Variants in WASHC1 observed in about 807,000 individuals in gnomAD.
WASHC1 encodes CXYorf1-like protein on chromosome 9.
WASHC1 carries 11 observed loss-of-function variants against 26.1 expected under a neutral mutation model. That is an observed-to-expected ratio of 0.42 (90% CI 0.27 to 0.70). The LOEUF is 0.70. Among genes scored for constraint, WASHC1 ranks in the 30% least tolerant of loss-of-function variants. The probability of loss-of-function intolerance (pLI) is 0.24; values close to 1 mark genes in which losing one functional copy is unlikely to be tolerated. For missense variants in WASHC1, 96 were observed against 304.9 expected, an observed-to-expected ratio of 0.31 and a Z score of 5.10; for synonymous variants, 37 against 126.6, an observed-to-expected ratio of 0.29 and a Z score of 4.75.
intron 1 of WASHC1, chr9:28,681 A>C (rs1345815177): frequency 8.9e-6 from 1 of 112,504 alleles, no homozygotes; most frequent in Non-Finnish European, 1.7e-5. Flanking sequence ...CAAATACCTA[A>C]GTATTCTTTA....
chr9:23,821 A>C (rs113970498), intron 2 of WASHC1, among the ~76,000 whole-genome samples: 1 of 114,068 alleles, frequency 8.8e-6, no homozygotes, highest in Non-Finnish European at 1.7e-5. Context: ...TTACCAAAAA[A>C]ACAGCAAACA....
chr9:20,681 C>A lies in WASHC1; in HGVS notation c.150-2189G>T, dbSNP rs1160277183. ...TACAAGGAAGAAATGTGAAGCCCAA[C>A]ATTTAGGTTTTAAAAATCAAGCGTA... On this transcript the variant is annotated intron_variant, in intron 2 of 10. Transcript: ENST00000442898. Among the ~76,000 whole-genome samples, 5 of 93,650 alleles carry A rather than the reference C, an allele frequency of 5.3e-5. 2 individuals carry two copies. Among genetic ancestry groups the A allele is most frequent in the African/African-American group, 3.9e-4 (5 of 12,800 alleles). The allele number at this position is 93,650 out of a possible 152,430, so 61.4% of individuals were successfully genotyped here.
chr9:14,716 G>C, exon 11 of WASHC1: 1 of 1,411,310 alleles, frequency 7.1e-7, no homozygotes, highest in South Asian at 1.2e-5. Flanking sequence ...CCCCTCCCAG[G>C]GAAGCAGGTC....
rs1259249736 is a variant in WASHC1 at position 15,831 on chromosome 9, C to G, written c.1195+78G>C. 1.1e-5 allele frequency: 15 copies of G among 1,341,772 alleles called. 1 individual carries two copies. In the African/African-American group the frequency reaches 1.4e-4, roughly 13 times the overall value. The allele number at this position is 1,341,772 out of a possible 1,614,324, so 83.1% of individuals were successfully genotyped here. A position where few individuals can be genotyped will look rare whatever the true frequency, so the allele number is the denominator to read the frequency against. ...AGGAGCAGGGGGTGGGCAGAAAGCA[C>G]CCGGTGGACTCAGGGCTGGAGGGGA... is the stretch of plus-strand genomic sequence containing the variant. On this transcript the variant is annotated intron_variant, in intron 9 of 10. Coordinates refer to ENST00000442898, the Ensembl canonical transcript of WASHC1.
intron 1 of WASHC1, among the ~76,000 whole-genome samples, chr9:26,963 A>T (rs1587313513): frequency 1.7e-5 from 1 of 58,950 alleles, no homozygotes; most frequent in East Asian, 6.4e-4. Flanking sequence ...AGGCAGGCAG[A>T]TCACCTGAGG....
At chr9:30,102 A>AT (rs1817641535), upstream of WASHC1, 1 of 304,166 alleles carries the variant, frequency 3.3e-6, no homozygotes, top group Non-Finnish European at 6.6e-6. Context: ...TGCCTCCGGC[A>AT]TTTTTGGCCC....
intron 1 of WASHC1, chr9:28,770 G>A: frequency 1.5e-5 from 2 of 135,828 alleles, no homozygotes; most frequent in East Asian, 2.5e-4. Flanking sequence ...TTGTACATGT[G>A]TATCGCTCAA....
At position 23,672 on chromosome 9, in the gene WASHC1, T is replaced by C. The variant is rs1261446871; in HGVS notation, c.149+1179A>G. 9.7e-4 allele frequency among the ~76,000 whole-genome samples: 123 copies of C among 126,370 alleles called. 6 individuals carry two copies. Among genetic ancestry groups the C allele is most frequent in the South Asian group, 2.7e-3 (11 of 4,078 alleles). The allele number at this position is 126,370 out of a possible 152,430, so 82.9% of individuals were successfully genotyped here. A position where few individuals can be genotyped will look rare whatever the true frequency, so the allele number is the denominator to read the frequency against. On this transcript the variant is annotated intron_variant, in intron 2 of 10. Transcript: ENST00000442898. ...GATGGCTTGGACCACGAGAGGCACC[T>C]GAGTCAGGCAGTCACATACTTCCCA...
At position 17,079 on chromosome 9, in the gene WASHC1, CA is replaced by C. The variant is rs1228700160; in HGVS notation, c.768del (p.Ile256MetfsTer33). 3.4e-6 allele frequency: 5 copies of C among 1,461,194 alleles called. No individual in the cohort carries two copies. The highest frequency in any genetic ancestry group is 4.5e-6 in the Non-Finnish European group (5 of 1,106,828). 90.5% of individuals were successfully genotyped at this position (1,461,194 alleles called of 1,614,324 possible). ...TCGGCACTGTACATGAGGTCGTTGGCAATGCCGGGCAGGTCAGGCAGGTAGG... is the reference window on the plus strand; with the variant it reads ...TCGGCACTGTACATGAGGTCGTTGGCATGCCGGGCAGGTCAGGCAGGTAGG... On this transcript the variant is annotated frameshift_variant, in exon 7 of 11. Transcript: ENST00000442898. LOFTEE classifies it high-confidence loss of function.
rs768020067 is a variant in WASHC1 at position 16,836 on chromosome 9, TG to T, written c.923del (p.Pro308HisfsTer24). 2.1e-6 allele frequency: 1 copy of T among 484,294 alleles called. No individual in the cohort carries two copies. Among genetic ancestry groups the T allele is most frequent in the South Asian group, 1.8e-5 (1 of 54,508 alleles). 30.0% of individuals were successfully genotyped at this position (484,294 alleles called of 1,614,324 possible). A position where few individuals can be genotyped will look rare whatever the true frequency, so the allele number is the denominator to read the frequency against. ...GCACCTCAGGAGCTGGGGGTGGTGG[TG>T]GGGGCGGTGGGGGTGGTGTTAGTAC... On this transcript the variant is annotated frameshift_variant, in exon 8 of 11. Transcript: ENST00000442898. LOFTEE classifies it high-confidence loss of function.
chr9:15,096 C>T, exon 10 of WASHC1: 1 of 858,578 alleles, frequency 1.2e-6, no homozygotes, highest in Non-Finnish European at 1.8e-6. Context: ...CGCCTCATGA[C>T]CAGCTTGTTG....
At chr9:17,966 C>T in intron 4 of WASHC1, 62 bp downstream of exon 4, 1 of 98,980 alleles carries the variant, frequency 1.0e-5, no homozygotes, top group Non-Finnish European at 1.7e-5. Context: ...ATGGTGGCCC[C>T]GGCTCCTCCC....
In WASHC1 at chr9:15,911, T is replaced by C. The variant is rs758848764; in HGVS notation, c.1193A>G (p.Gln398Arg). The stretch of plus-strand genomic sequence containing the variant: ...CGCAGGCTCCAGGGCCCGCTCACCT[T>C]GCTCCTGCTCCTTCTGCTGCTGCTT... The change falls in exon 9 of 11, where the codon CAA becomes CGA. Residue 398 changes from glutamine (Q) to arginine (R), a missense_variant and splice_region_variant. Gln to Arg is a conservative substitution (Grantham distance 43). Transcript: ENST00000442898. 13 of 1,403,558 alleles carry C rather than the reference T, an allele frequency of 9.3e-6. 1 individual carries two copies. The African/African-American group carries it at 1.6e-4, about 18-fold the overall frequency. 86.9% of individuals were successfully genotyped at this position (1,403,558 alleles called of 1,614,324 possible). A position where few individuals can be genotyped will look rare whatever the true frequency, so the allele number is the denominator to read the frequency against.
intron 8 of WASHC1, 95 bp from the exon 9 acceptor site, chr9:16,156 G>A: frequency 1.7e-6 from 1 of 596,782 alleles, no homozygotes; most frequent in Non-Finnish European, 2.9e-6. Flanking sequence ...TGGGAGGGAA[G>A]TCACCTCCCC....
chr9:22,512 G>T (rs1817078462), intron 2 of WASHC1, among the ~76,000 whole-genome samples: 1 of 117,872 alleles, frequency 8.5e-6, no homozygotes, highest in Non-Finnish European at 1.6e-5. Flanking sequence ...GGTCTGGGGA[G>T]TTCTGACAGG....
chr9:14,696 G>A lies in WASHC1; in HGVS notation c.*111C>T, dbSNP rs1815993806. ...TGAAGCTGGTCTCCACACACTGCTGGTTCCGTCACCCCCTCCCAGGGAAGC... is the reference window on the plus strand; with the variant it reads ...TGAAGCTGGTCTCCACACACTGCTGATTCCGTCACCCCCTCCCAGGGAAGC... On this transcript the variant is annotated 3_prime_UTR_variant, in exon 11 of 11. Coordinates refer to ENST00000442898, the Ensembl canonical transcript of WASHC1. The A allele has an allele frequency of 4.0e-6, 5 of 1,250,590 alleles. No homozygotes were observed. In the East Asian group the frequency reaches 7.1e-5, roughly 18 times the overall value. 77.5% of individuals were successfully genotyped at this position (1,250,590 alleles called of 1,614,324 possible).
In WASHC1 at chr9:16,805, T is replaced by C. The variant is rs1462566738; in HGVS notation, c.955A>G (p.Ser319Gly). 3 of 416,858 alleles carry C rather than the reference T, an allele frequency of 7.2e-6. 1 individual carries two copies. Among genetic ancestry groups the C allele is most frequent in the Non-Finnish European group, 1.2e-5 (3 of 247,996 alleles). 25.8% of individuals were successfully genotyped at this position (416,858 alleles called of 1,614,324 possible). The stretch of plus-strand genomic sequence containing the variant: ...GTTGAGGGTGGGAGTGGGGGTGCAC[T>C]GGCCAGCACCTCAGGAGCTGGGGGT... The change falls in exon 8 of 11, where the codon AGT (serine) becomes GGT (glycine). Residue 319 changes from serine to glycine, a missense_variant. This residue lies in a region of WASHC1 where 7 missense variants were observed against 95.3 expected (regional missense o/e 0.07). Transcript: ENST00000442898.
exon 10 of WASHC1, chr9:15,098 A>G (rs1816099784): frequency 1.3e-6 from 1 of 799,460 alleles, no homozygotes. Flanking sequence ...CCTCATGACC[A>G]GCTTGTTGAA....
rs1371308145 is a variant in WASHC1 at position 20,620 on chromosome 9, G to A, written c.150-2128C>T. ...AATCAAGGCTCAGACAATTTTTAAA[G>A]GCCAGAGGGTAGACTGCAATCACCA... On this transcript the variant is annotated intron_variant, in intron 2 of 10. Transcript: ENST00000442898. Among the ~76,000 whole-genome samples the A allele has an allele frequency of 2.3e-5, 2 of 85,842 alleles. 1 individual carries two copies. The highest frequency in any genetic ancestry group is 4.1e-5 in the Non-Finnish European group (2 of 48,914). 56.3% of individuals were successfully genotyped at this position (85,842 alleles called of 152,430 possible). A position where few individuals can be genotyped will look rare whatever the true frequency, so the allele number is the denominator to read the frequency against.
Sources: gnomAD v4.1 joint callset for allele counts (sites outside exome capture counted in the v4.1 genomes callset) on GRCh38, gnomAD v4.1.1 for gene constraint, gnomAD v4.1.1 regional missense constraint, MANE v1.5 for transcripts, NCBI Gene and HGNC (gene_info 2026-07-23, HGNC 2026-07-21) for gene names.